GRIK1: variants seen among roughly 807,000 people sequenced by gnomAD.
The protein encoded by GRIK1 is glutamate ionotropic receptor kainate type subunit 1, also known as glutamate receptor ionotropic, kainate 1.
Under a neutral mutation model 105.7 loss-of-function variants are expected in GRIK1, and 69 were observed. That is an observed-to-expected ratio of 0.65 (90% CI 0.54 to 0.80). GRIK1 has a LOEUF of 0.80. GRIK1 is among the 30% of genes least tolerant of loss of function. The probability of loss-of-function intolerance (pLI) is 0.00; values close to 1 mark genes in which losing one functional copy is unlikely to be tolerated. For missense variants in GRIK1, 1,109 were observed against 1,167.3 expected (o/e 0.95, Z 0.73); for synonymous variants, 438 against 431.3 (o/e 1.02, Z -0.19).
intron 4 of GRIK1, among the ~76,000 whole-genome samples, chr21:29,664,771 G>A (rs538322149): frequency 6.6e-6 from 1 of 152,234 alleles, no homozygotes; most frequent in South Asian, 2.1e-4. Context: ...GAAGTATTGA[G>A]GAAGTAGATA....
At chr21:29,562,010 A>G (rs1305752900) in intron 14 of GRIK1, among the ~76,000 whole-genome samples, 161 bp from the exon 15 acceptor site, 4 of 152,180 alleles carry the variant, frequency 2.6e-5, no homozygotes, top group African/African-American at 9.7e-5. Flanking sequence ...TTTGTAGCTG[A>G]GAAGAGCCCA....
chr21:29,892,028 G>T (rs779825060), intron 1 of GRIK1, among the ~76,000 whole-genome samples: 3 of 152,172 alleles, frequency 2.0e-5, no homozygotes, highest in Non-Finnish European at 2.9e-5. Flanking sequence ...AAAGGACTTT[G>T]CATTAATAAT....
At chr21:29,793,600 A>C (rs1404780307) in intron 1 of GRIK1, among the ~76,000 whole-genome samples, 1 of 152,150 alleles carries the variant, frequency 6.6e-6, no homozygotes, top group African/African-American at 2.4e-5. Flanking sequence ...AAAGACAGAA[A>C]GGAAAGCTGC....
At chr21:29,540,075 A>C (rs2089944321) in intron 16 of GRIK1, among the ~76,000 whole-genome samples, 1 of 152,192 alleles carries the variant, frequency 6.6e-6, no homozygotes, top group South Asian at 2.1e-4. Flanking sequence ...AAATCGCCCA[A>C]ATGAATCTCT....
At chr21:29,735,945 A>G (rs1210343916) in intron 1 of GRIK1, among the ~76,000 whole-genome samples, 1 of 152,238 alleles carries the variant, frequency 6.6e-6, no homozygotes, top group Non-Finnish European at 1.5e-5. Flanking sequence ...AAGCAAGGTC[A>G]TAACATATAA....
At chr21:29,669,191 T>C (rs903476304) in intron 4 of GRIK1, among the ~76,000 whole-genome samples, 1 of 152,372 alleles carries the variant, frequency 6.6e-6, no homozygotes, top group East Asian at 1.9e-4. Flanking sequence ...GTAATTAGCA[T>C]GCCCAAGAAT....
At chr21:29,632,763 G>A (rs1041230789) in intron 7 of GRIK1, among the ~76,000 whole-genome samples, 24 of 152,278 alleles carry the variant, frequency 1.6e-4, no homozygotes, top group African/African-American at 5.3e-4. Context: ...AGTCCCTGAT[G>A]CTATTTTATA....
chr21:29,850,579 G>A (rs74869551), intron 1 of GRIK1, among the ~76,000 whole-genome samples: 2,215 of 152,262 alleles, frequency 0.015, 59 homozygotes, highest in African/African-American at 0.05. Context: ...GGTCGCAGAT[G>A]CCACAGGTTA....
At chr21:29,849,109 A>G (rs1240700614) in intron 1 of GRIK1, among the ~76,000 whole-genome samples, 1 of 149,564 alleles carries the variant, frequency 6.7e-6, no homozygotes, top group African/African-American at 2.5e-5. Context: ...ATGATTAAGC[A>G]TATTGTTTAT....
chr21:29,719,314 T>C (rs2064261692), intron 1 of GRIK1, among the ~76,000 whole-genome samples: 1 of 151,984 alleles, frequency 6.6e-6, no homozygotes, highest in Non-Finnish European at 1.5e-5. Context: ...TATCTTCAGC[T>C]ATCACCCACC....
Position 29,598,868 on chromosome 21 carries a change from G to T in GRIK1, c.1168C>A (p.Leu390Met). The change falls in exon 8 of 18, where the codon CTG becomes ATG. Residue 390 changes from leucine (L) to methionine (M), a missense_variant. Physicochemically the swap from Leu to Met is conservative, Grantham distance 15 (BLOSUM62 2). Transcript: ENST00000327783. ...KTNGLRKDFD[L>M]DIISLKEEGT... ...TCCTCTTTGAGACTAATAATGTCCAGATCAAAATCCTTCCTCAAGCCATTG... is the reference window on the plus strand; with the variant it reads ...TCCTCTTTGAGACTAATAATGTCCATATCAAAATCCTTCCTCAAGCCATTG... The T allele has an allele frequency of 6.3e-7, 1 of 1,584,764 alleles. No homozygotes were observed. Among genetic ancestry groups the T allele is most frequent in the Non-Finnish European group, 8.7e-7 (1 of 1,156,050 alleles).
intron 2 of GRIK1, among the ~76,000 whole-genome samples, chr21:29,690,940 TC>T (rs2063573428): frequency 6.6e-6 from 1 of 152,164 alleles, no homozygotes; most frequent in Non-Finnish European, 1.5e-5. Flanking sequence ...TTTTTTCAAG[TC>T]CTTACAAATT....
At chr21:29,752,191 T>A (rs573231687) in intron 1 of GRIK1, among the ~76,000 whole-genome samples, 1 of 152,316 alleles carries the variant, frequency 6.6e-6, no homozygotes, top group Admixed American at 6.5e-5. Flanking sequence ...CTTCTGTAGA[T>A]AGTGATTTGG....
intron 1 of GRIK1, among the ~76,000 whole-genome samples, chr21:29,887,959 G>T (rs1191072927): frequency 1.3e-5 from 2 of 151,802 alleles, no homozygotes; most frequent in East Asian, 3.9e-4. Flanking sequence ...CAGGAAAAAG[G>T]GTAGAATAAA....
intron 7 of GRIK1, among the ~76,000 whole-genome samples, chr21:29,613,146 G>A (rs938177984): frequency 5.3e-5 from 8 of 152,152 alleles, no homozygotes; most frequent in African/African-American, 1.2e-4. Context: ...AGGACTGTCC[G>A]AGTGGAAGCC....
At chr21:29,828,128 G>A (rs965153727) in intron 1 of GRIK1, among the ~76,000 whole-genome samples, 1 of 151,710 alleles carries the variant, frequency 6.6e-6, no homozygotes, top group African/African-American at 2.4e-5. Flanking sequence ...AAAAGCAGAA[G>A]CTACCAGACT....
chr21:29,641,280 G>A (rs528401521), intron 7 of GRIK1, among the ~76,000 whole-genome samples: 2 of 152,106 alleles, frequency 1.3e-5, no homozygotes, highest in Non-Finnish European at 2.9e-5. Context: ...TTGAATCATG[G>A]AGGCAAGTCT....
At chr21:29,560,319 C>CT (rs1568812639) in intron 15 of GRIK1, among the ~76,000 whole-genome samples, 1 of 119,664 alleles carries the variant, frequency 8.4e-6, no homozygotes, top group South Asian at 2.7e-4. Context: ...TTCTTTCTTT[C>CT]TTTCTTTCTT....
chr21:29,618,261 A>AG (rs138649850), intron 7 of GRIK1, among the ~76,000 whole-genome samples: 7,257 of 152,264 alleles, frequency 0.048, 257 homozygotes, highest in Non-Finnish European at 0.072. Context: ...TGATTCACTG[A>AG]GGGCAGGGCA....
Sources: gnomAD v4.1 joint callset for allele counts (sites outside exome capture counted in the v4.1 genomes callset) on GRCh38, gnomAD v4.1.1 for gene constraint, MANE v1.5 for transcripts, NCBI Gene and HGNC (gene_info 2026-07-23, HGNC 2026-07-21) for gene names.